The following PHF2 variants were observed in gnomAD, a reference collection of about 807,000 sequenced individuals.
The protein encoded by PHF2 is lysine-specific demethylase PHF2.
In PHF2, 27 loss-of-function variants were observed where a neutral mutation model predicts 120.5. That is an observed-to-expected ratio of 0.22 (90% CI 0.17 to 0.31). The LOEUF (loss-of-function observed/expected upper bound fraction) is 0.31, where lower values mean the gene tolerates loss of function less well. Ranked by LOEUF, PHF2 falls within the 10% of genes least tolerant of loss-of-function variation. The pLI is 1.00. For synonymous variants in PHF2, 568 were observed against 592.5 expected, an observed-to-expected ratio of 0.96 and a Z score of 0.60; for missense variants, 1,024 against 1,434.8, an observed-to-expected ratio of 0.71 and a Z score of 4.63.
chr9:93,583,821 C>CT (rs1862978827), intron 1 of PHF2, among the ~76,000 whole-genome samples: 1 of 127,998 alleles, frequency 7.8e-6, no homozygotes, highest in Non-Finnish European at 1.6e-5. Flanking sequence ...CCTTTTTTTT[C>CT]TTTTCTTTTT....
intron 1 of PHF2, among the ~76,000 whole-genome samples, chr9:93,599,369 C>T (rs1825394080): frequency 6.6e-6 from 1 of 152,216 alleles, no homozygotes; most frequent in Non-Finnish European, 1.5e-5. Flanking sequence ...CTGCTCTCCC[C>T]TCTCAATTAC....
intron 1 of PHF2, among the ~76,000 whole-genome samples, chr9:93,596,977 C>T (rs1473088187): frequency 7.1e-6 from 1 of 141,034 alleles, no homozygotes; most frequent in Non-Finnish European, 1.5e-5. Context: ...GTCTCCCAGG[C>T]CGGAGTGCAG....
intron 1 of PHF2, among the ~76,000 whole-genome samples, chr9:93,607,277 T>G (rs549341587): frequency 1.8e-4 from 27 of 152,124 alleles, no homozygotes; most frequent in African/African-American, 4.8e-4. Flanking sequence ...TGTTGTTGTT[T>G]TTTGTTTGTT....
At chr9:93,659,853 C>G (rs1338037422) in intron 11 of PHF2, among the ~76,000 whole-genome samples, 1 of 152,174 alleles carries the variant, frequency 6.6e-6, no homozygotes, top group Non-Finnish European at 1.5e-5. Flanking sequence ...CTCTGAAACT[C>G]CCATGGGGAG....
intron 1 of PHF2, among the ~76,000 whole-genome samples, chr9:93,599,790 G>A (rs542638914): frequency 1.4e-4 from 21 of 152,374 alleles, no homozygotes; most frequent in African/African-American, 4.8e-4. Context: ...AGGCGCCGGT[G>A]GGGCCAGGTG....
rs200919035 is a variant in PHF2 at position 93,593,084 on chromosome 9, CAAAAAAAA to C, written c.98+16233_98+16240del. On this transcript the variant is annotated intron_variant, in intron 1 of 21. Transcript: ENST00000359246. Reference sequence around the variant, plus strand: ...TCTTTGCTTTTCTTGTCCTTTATGCCAAAAAAAAAAAAAAAAAAAAAAAAAAAGAAAAA... The same window carrying C: ...TCTTTGCTTTTCTTGTCCTTTATGCCAAAAAAAAAAAAAAAAAAAGAAAAA... 9.5e-3 allele frequency among the ~76,000 whole-genome samples: 791 copies of C among 83,388 alleles called. 9 individuals are homozygous for C. Among genetic ancestry groups the C allele is most frequent in the South Asian group, 0.021 (78 of 3,752 alleles). 54.7% of individuals were successfully genotyped at this position (83,388 alleles called of 152,430 possible). A position where few individuals can be genotyped will look rare whatever the true frequency, so the allele number is the denominator to read the frequency against.
intron 3 of PHF2, among the ~76,000 whole-genome samples, chr9:93,640,284 G>A (rs1025895026): frequency 6.6e-6 from 1 of 152,012 alleles, no homozygotes; most frequent in African/African-American, 2.4e-5. Context: ...TTATTCTACT[G>A]CATTTTCTCT....
rs115477350 is a variant in PHF2, at chr9:93,592,588, G to A, written c.98+15717G>A. The stretch of plus-strand genomic sequence containing the variant: ...GCTTGTGGTTGCTTGGTGAGTCTCT[G>A]TCGCTCAGTGTTCAGAGGCTCTTTC... On this transcript the variant is annotated intron_variant, in intron 1 of 21. Transcript: ENST00000359246. 1.7e-3 allele frequency among the ~76,000 whole-genome samples: 255 copies of A among 152,262 alleles called. 2 individuals are homozygous for A. The highest frequency in any genetic ancestry group is 6.0e-3 in the African/African-American group (248 of 41,526).
chr9:93,614,520 ACAGCCCAGCTGGACAGAGGCTGCC>A (rs1423120206), intron 1 of PHF2, among the ~76,000 whole-genome samples: 2 of 152,230 alleles, frequency 1.3e-5, no homozygotes, highest in African/African-American at 2.4e-5. Flanking sequence ...AAGTGGGGGC[ACAGCCCAGCTGGACAGAGGCTGCC>A]CAGCCCCTCC....
At chr9:93,654,666 T>C in intron 7 of PHF2, 91 bp downstream of exon 7, 1 of 1,268,008 alleles carries the variant, frequency 7.9e-7, no homozygotes. Context: ...GTCCCCACCA[T>C]GGGGTCTCTT....
At chr9:93,578,967 C>G (rs1052579372) in intron 1 of PHF2, among the ~76,000 whole-genome samples, 1 of 152,218 alleles carries the variant, frequency 6.6e-6, no homozygotes, top group African/African-American at 2.4e-5. Context: ...TCATTTTCTC[C>G]TGCATCTAAC....
chr9:93,593,107 A>AG (rs1825264274), intron 1 of PHF2, among the ~76,000 whole-genome samples: 1 of 147,466 alleles, frequency 6.8e-6, no homozygotes, highest in African/African-American at 2.6e-5. Flanking sequence ...AAAAAAAAAA[A>AG]AAAAGAAAAA....
intron 14 of PHF2, 132 bp downstream of exon 14, chr9:93,663,767 T>TCTCA: frequency 1.4e-5 from 8 of 572,868 alleles, no homozygotes; most frequent in South Asian, 1.9e-5. Flanking sequence ...ACTCTGCATC[T>TCTCA]CACACACACC....
chr9:93,581,739 T>C lies in PHF2; in HGVS notation c.98+4868T>C, dbSNP rs144579718. Among the ~76,000 whole-genome samples, 554 of 152,288 alleles carry C rather than the reference T, an allele frequency of 3.6e-3. 4 individuals are homozygous for C. Among genetic ancestry groups the C allele is most frequent in the African/African-American group, 0.012 (516 of 41,552 alleles). The stretch of plus-strand genomic sequence containing the variant: ...TTTGTTTGGGGCTGCTTGGGTGAAA[T>C]GTGGCCACAGATGCCCTAAAATCTG... On this transcript the variant is annotated intron_variant, in intron 1 of 21. Coordinates refer to ENST00000359246, the MANE Select transcript of PHF2 (RefSeq NM_005392.4).
intron 3 of PHF2, 35 bp downstream of exon 3, chr9:93,636,560 A>ATCCCCTG: frequency 1.4e-6 from 2 of 1,396,440 alleles, no homozygotes; most frequent in Non-Finnish European, 2.0e-6. Context: ...CACCACCTGC[A>ATCCCCTG]GCCAGGGGAT....
At chr9:93,660,085 T>A (rs772444655) in intron 11 of PHF2, 107 bp from the exon 12 acceptor site, 12 of 1,367,610 alleles carry the variant, frequency 8.8e-6, no homozygotes, top group Non-Finnish European at 1.2e-5. Context: ...GGGCTGATAG[T>A]TCCCCGCCAG....
At chr9:93,644,212 C>A (rs1274450621) in intron 3 of PHF2, among the ~76,000 whole-genome samples, 1 of 152,048 alleles carries the variant, frequency 6.6e-6, no homozygotes, top group East Asian at 1.9e-4. Flanking sequence ...CATGGTGAAA[C>A]CCCATCTCTA....
At chr9:93,624,770 GTGA>G (rs912495750) in intron 1 of PHF2, among the ~76,000 whole-genome samples, 19 of 150,352 alleles carry the variant, frequency 1.3e-4, no homozygotes, top group African/African-American at 3.4e-4. Context: ...GGTGGTTGAG[GTGA>G]TGATGATAAT....
Position 93,626,252 on chromosome 9 carries a change from C to CA in PHF2, c.99-3710dup, listed in dbSNP as rs538869263. ...GAGCAAGACTCCATCTCAAAAACAACAAAAAAAATTGTAGCCATCCTAGTG... is the reference window on the plus strand; with the variant it reads ...GAGCAAGACTCCATCTCAAAAACAACAAAAAAAAATTGTAGCCATCCTAGTG... On this transcript the variant is annotated intron_variant, in intron 1 of 21. Transcript: ENST00000359246. 7.9e-5 allele frequency among the ~76,000 whole-genome samples: 12 copies of CA among 151,880 alleles called. No individual in the cohort carries two copies. The South Asian group carries it at 2.5e-3, about 32-fold the overall frequency.
Sources: allele counts gnomAD v4.1 joint callset (sites outside exome capture counted in the v4.1 genomes callset), GRCh38; gene constraint gnomAD v4.1.1; transcripts MANE v1.5; gene names NCBI Gene and HGNC (gene_info 2026-07-23, HGNC 2026-07-21).